CSTL1: variants seen among roughly 807,000 people sequenced by gnomAD.
CSTL1 encodes the protein cystatin-like 1.
A neutral mutation model predicts 14.4 loss-of-function variants in CSTL1; 14 were observed. That is an observed-to-expected ratio of 0.97 (90% CI 0.64 to 1.52). The LOEUF (loss-of-function observed/expected upper bound fraction) is 1.52, where lower values mean the gene tolerates loss of function less well. CSTL1 is among the 40% of genes most tolerant of loss of function. CSTL1 has a pLI of 0.00. For missense variants in CSTL1, 170 were observed against 168.7 expected (o/e 1.01, Z -0.04); for synonymous variants, 72 against 67.5 (o/e 1.07, Z -0.33).
chr20:23,450,684 C>G, the CSTL1 span: 2 of 786,354 alleles, frequency 2.5e-6, no homozygotes, highest in African/African-American at 1.7e-5. Flanking sequence ...GGAGAAAAGG[C>G]TACCACCTCT....
At chr20:23,459,415 C>G in the CSTL1 span, 1 of 152,136 alleles carries the variant, frequency 6.6e-6, no homozygotes, top group African/African-American at 2.4e-5. Context: ...TGAGATAATC[C>G]AGGCAAAGAG....
the CSTL1 span, chr20:23,452,793 G>T: frequency 3.1e-6 from 5 of 1,613,574 alleles, no homozygotes; most frequent in African/African-American, 6.7e-5. Flanking sequence ...TGTAGGGCCT[G>T]CCAGGGCTCA....
chr20:23,453,067 G>C, the CSTL1 span, among the ~76,000 whole-genome samples: 1 of 151,922 alleles, frequency 6.6e-6, no homozygotes, highest in Non-Finnish European at 1.5e-5. Context: ...TTGAGGGGCT[G>C]CTCCCTCAGC....
the CSTL1 span, chr20:23,451,721 A>G: frequency 1.1e-6 from 1 of 899,588 alleles, no homozygotes; most frequent in Non-Finnish European, 1.7e-6. Context: ...CAGCTTGAGT[A>G]AATTCCAATT....
At chr20:23,450,381 G>T in the CSTL1 span, 1 of 626,254 alleles carries the variant, frequency 1.6e-6, no homozygotes, top group African/African-American at 1.8e-5. Flanking sequence ...AAAAGAAAAA[G>T]AAAAAAAGTG....
the CSTL1 span, chr20:23,457,580 T>G: frequency 6.6e-6 from 1 of 152,082 alleles, no homozygotes; most frequent in Admixed American, 6.5e-5. Context: ...TATATAAATT[T>G]TTTTAAAGGC....
chr20:23,440,598 C>T (rs1239458083), intron 2 of CSTL1, 112 bp downstream of exon 2: 1 of 823,468 alleles, frequency 1.2e-6, no homozygotes, highest in Admixed American at 1.7e-5. Context: ...TCCGTGAGGT[C>T]CCAAGGGGGA....
chr20:23,452,376 T>G, the CSTL1 span, among the ~76,000 whole-genome samples: 1 of 152,194 alleles, frequency 6.6e-6, no homozygotes, highest in Non-Finnish European at 1.5e-5. Flanking sequence ...GTTTTGGCCC[T>G]TGGGATGTAA....
At chr20:23,451,997 G>T in the CSTL1 span, 9 of 1,042,090 alleles carry the variant, frequency 8.6e-6, no homozygotes, top group Non-Finnish European at 1.3e-5. Flanking sequence ...TGGGGGCTCC[G>T]CTACCCCACG....
chr20:23,447,619 A>G (rs1416479360), downstream of CSTL1, among the ~76,000 whole-genome samples: 1 of 151,946 alleles, frequency 6.6e-6, no homozygotes, highest in Non-Finnish European at 1.5e-5. Context: ...CACCATGCCC[A>G]GCTAAATGTT....
At chr20:23,450,291 AGGTCACCTCATTT>A in the CSTL1 span, 1 of 430,198 alleles carries the variant, frequency 2.3e-6, no homozygotes, top group Non-Finnish European at 4.2e-6. Context: ...GGAATAATGT[AGGTCACCTCATTT>A]GGACCCCCAA....
At chr20:23,447,073 A>G (rs1986983581), downstream of CSTL1, among the ~76,000 whole-genome samples, 1 of 152,160 alleles carries the variant, frequency 6.6e-6, no homozygotes, top group Non-Finnish European at 1.5e-5. Context: ...CCTGCTGCCC[A>G]CATTATCCTA....
the CSTL1 span, among the ~76,000 whole-genome samples, chr20:23,454,535 G>A: frequency 6.6e-6 from 1 of 152,180 alleles, no homozygotes; most frequent in African/African-American, 2.4e-5. Flanking sequence ...GGAGTACAGT[G>A]GAGCGCACAT....
downstream of CSTL1, among the ~76,000 whole-genome samples, chr20:23,446,033 G>A (rs1290388795): frequency 6.6e-6 from 1 of 152,174 alleles, no homozygotes; most frequent in African/African-American, 2.4e-5. Flanking sequence ...GTTTTTACCG[G>A]GGACTGGTCA....
chr20:23,447,472 T>C (rs1018524639), downstream of CSTL1, among the ~76,000 whole-genome samples: 5 of 151,024 alleles, frequency 3.3e-5, no homozygotes, highest in African/African-American at 7.3e-5. Flanking sequence ...TTTTTCTTTT[T>C]TTTTTTTTTT....
downstream of CSTL1, among the ~76,000 whole-genome samples, chr20:23,446,870 G>C (rs988685460): frequency 4.6e-5 from 7 of 152,266 alleles, no homozygotes; most frequent in African/African-American, 1.7e-4. Flanking sequence ...CATAGAGCAA[G>C]AACCTCAAAC....
chr20:23,448,416 G>A (rs1987008701), downstream of CSTL1, among the ~76,000 whole-genome samples: 1 of 152,182 alleles, frequency 6.6e-6, no homozygotes, highest in African/African-American at 2.4e-5. Flanking sequence ...GCAGTGCTGT[G>A]TCTTGAGCAT....
intron 3 of CSTL1, 112 bp downstream of exon 3, chr20:23,444,156 G>T: frequency 1.1e-6 from 1 of 884,350 alleles, no homozygotes; most frequent in Non-Finnish European, 1.8e-6. Flanking sequence ...CTGGGGCCCA[G>T]CCCTGGGGCT....
the CSTL1 span, among the ~76,000 whole-genome samples, chr20:23,454,064 C>A: frequency 1.3e-5 from 2 of 151,706 alleles, no homozygotes; most frequent in Admixed American, 6.6e-5. Context: ...CACACACATA[C>A]CGCCACACAT....
Sources: allele counts gnomAD v4.1 joint callset (sites outside exome capture counted in the v4.1 genomes callset), GRCh38; gene constraint gnomAD v4.1.1; transcripts MANE v1.5; gene names NCBI Gene and HGNC (gene_info 2026-07-23, HGNC 2026-07-21).